DNAH8: variants seen among roughly 807,000 people sequenced by gnomAD.
The protein encoded by DNAH8 is axonemal beta dynein heavy chain 8.
A neutral mutation model predicts 562.1 loss-of-function variants in DNAH8; 382 were observed. The observed-to-expected ratio is 0.68, with a 90% confidence interval of 0.63 to 0.74. The LOEUF (loss-of-function observed/expected upper bound fraction) is 0.74. Among genes scored for constraint, DNAH8 ranks in the 30% least tolerant of loss-of-function variants. The pLI, the probability that DNAH8 is intolerant of heterozygous loss-of-function variation, is 0.00. For missense variants in DNAH8, 5,203 were observed against 5,620.4 expected (o/e 0.93, Z 2.37); for synonymous variants, 1,881 against 1,919.4 (o/e 0.98, Z 0.52).
chr6:39,015,063 G>A lies in DNAH8; in HGVS notation c.13714+2426G>A, dbSNP rs541719289. Among the ~76,000 whole-genome samples, 7 of 152,238 alleles carry A rather than the reference G, an allele frequency of 4.6e-5. No homozygotes were observed. In the South Asian group the frequency reaches 1.2e-3, roughly 27 times the overall value. On this transcript the variant is annotated intron_variant, in intron 91 of 92. Coordinates refer to ENST00000327475, the MANE Select transcript of DNAH8 (RefSeq NM_001206927.2). ...GTACAAGACAGGGAACATTGGGAGA[G>A]GGACAGGTAGGGCAGAGAGACAGGG... is the stretch of plus-strand genomic sequence containing the variant.
intron 82 of DNAH8, among the ~76,000 whole-genome samples, chr6:38,968,789 C>A (rs963408637): frequency 1.3e-5 from 2 of 152,044 alleles, no homozygotes; most frequent in Non-Finnish European, 1.5e-5. Flanking sequence ...TAAGTATATA[C>A]CCCCAAAAAA....
intron 60 of DNAH8, among the ~76,000 whole-genome samples, chr6:38,897,128 A>G (rs1435066925): frequency 6.6e-6 from 1 of 151,962 alleles, no homozygotes; most frequent in Non-Finnish European, 1.5e-5. Flanking sequence ...GGCCTCCCAA[A>G]TTCTGGAGTG....
At chr6:38,827,254 A>G (rs1431037305) in intron 29 of DNAH8, among the ~76,000 whole-genome samples, 1 of 152,298 alleles carries the variant, frequency 6.6e-6, no homozygotes, top group East Asian at 1.9e-4. Context: ...CCCCATGGCA[A>G]GCTCCTTAAC....
chr6:39,026,589 A>G lies in DNAH8; in HGVS notation c.13758A>G (p.Lys4586=), dbSNP rs752727909. ...AMRQEVTRAH[K]GWALDTVTIH... is the part of the protein sequence containing the mutation. ...GGCAAGAAGTGACCCGTGCCCACAA[A>G]GGCTGGGCACTGGACACTGTGACCA... Residue 4586 remains lysine, a synonymous_variant, in exon 92 of 93, where the codon AAA becomes AAG. Coordinates refer to ENST00000327475, the MANE Select transcript of DNAH8 (RefSeq NM_001206927.2). The G allele has an allele frequency of 6.2e-6, 10 of 1,612,822 alleles. No homozygotes were observed. In the Admixed American group the frequency reaches 1.7e-4, roughly 27 times the overall value.
intron 53 of DNAH8, among the ~76,000 whole-genome samples, chr6:38,880,050 C>A (rs940012804): frequency 2.6e-5 from 4 of 152,072 alleles, no homozygotes; most frequent in Admixed American, 2.0e-4. Flanking sequence ...CAAGACCAGC[C>A]TGGCCAACAT....
intron 24 of DNAH8, among the ~76,000 whole-genome samples, chr6:38,809,194 A>G (rs1052316506): frequency 9.9e-5 from 15 of 151,922 alleles, no homozygotes; most frequent in African/African-American, 3.6e-4. Flanking sequence ...TGATGATAAT[A>G]TAACAAATGT....
At chr6:38,852,948 C>T in intron 40 of DNAH8, 150 bp downstream of exon 40, 1 of 709,758 alleles carries the variant, frequency 1.4e-6, no homozygotes, top group Non-Finnish European at 2.3e-6. Context: ...TAGATAAATC[C>T]TTTAACTTCT....
intron 60 of DNAH8, among the ~76,000 whole-genome samples, chr6:38,897,848 A>G (rs531277298): frequency 3.9e-4 from 59 of 152,336 alleles, no homozygotes; most frequent in African/African-American, 1.4e-3. Flanking sequence ...TTTGCAAAAC[A>G]AAGAAAGTGG....
Position 39,023,449 on chromosome 6 carries a change from C to T in DNAH8, c.13715-3097C>T, listed in dbSNP as rs1195058401. The stretch of plus-strand genomic sequence containing the variant: ...TGGAGCTTGCAGTGAGCGGAGATCA[C>T]GCCATTGCACTCCAGCCTGGGCGAC... On this transcript the variant is annotated intron_variant, in intron 91 of 92. Transcript: ENST00000327475. 3.9e-5 allele frequency among the ~76,000 whole-genome samples: 6 copies of T among 152,114 alleles called. No individual in the cohort carries two copies. In the South Asian group the frequency reaches 8.3e-4, roughly 21 times the overall value.
rs575472748 is a variant in DNAH8 at position 38,750,365 on chromosome 6, A to G, written c.1294-111A>G. On this transcript the variant is annotated intron_variant, in intron 8 of 92. Coordinates refer to ENST00000327475, the MANE Select transcript of DNAH8 (RefSeq NM_001206927.2). ...AAACATATATTAATCACACTTAAAT[A>G]TCTACCATTTTAGTATATGTATGAT... 7.0e-6 allele frequency: 4 copies of G among 568,186 alleles called. No individual in the cohort carries two copies. In the Admixed American group the frequency reaches 1.4e-4, roughly 20 times the overall value. The allele number at this position is 568,186 out of a possible 1,614,324, so 35.2% of individuals were successfully genotyped here. A position where few individuals can be genotyped will look rare whatever the true frequency, so the allele number is the denominator to read the frequency against.
At chr6:39,000,227 A>G (rs1158311478) in intron 88 of DNAH8, among the ~76,000 whole-genome samples, 3 of 152,358 alleles carry the variant, frequency 2.0e-5, no homozygotes, top group East Asian at 1.9e-4. Context: ...ATGAATGGCA[A>G]ATGCTGATGA....
intron 53 of DNAH8, among the ~76,000 whole-genome samples, chr6:38,878,238 T>C (rs913280233): frequency 1.2e-4 from 18 of 152,236 alleles, no homozygotes; most frequent in African/African-American, 4.1e-4. Flanking sequence ...TTCAAAATTA[T>C]AGAATGCTTC....
At chr6:38,867,323 A>G (rs926467739) in intron 47 of DNAH8, among the ~76,000 whole-genome samples, 3 of 151,986 alleles carry the variant, frequency 2.0e-5, no homozygotes, top group Admixed American at 6.6e-5. Context: ...ATGCTACTTT[A>G]TAGCCACACC....
rs192755438 is a variant in DNAH8, at chr6:38,934,245, C to T, written c.11458-1347C>T. Among the ~76,000 whole-genome samples, 461 of 151,966 alleles carry T rather than the reference C, an allele frequency of 3.0e-3. 2 individuals carry two copies. The highest frequency in any genetic ancestry group is 0.011 in the African/African-American group (439 of 41,438). On this transcript the variant is annotated intron_variant, in intron 76 of 92. Coordinates refer to ENST00000327475, the MANE Select transcript of DNAH8 (RefSeq NM_001206927.2). ...GTGCACGCCTGTAGTCCCAGCTACT[C>T]GGGAGTCTGAGGCAGGAGAATTGCT...
At chr6:38,845,857 T>C in intron 36 of DNAH8, 84 bp downstream of exon 36, 2 of 1,142,260 alleles carry the variant, frequency 1.8e-6, no homozygotes, top group Non-Finnish European at 2.6e-6. Context: ...TTAAAGCTCT[T>C]TCATTGGATG....
rs750912634 is a variant in DNAH8 at position 38,826,346 on chromosome 6, A to T, written c.4038A>T (p.Ile1346=). 1 of 1,612,824 alleles carries T rather than the reference A, an allele frequency of 6.2e-7. No individual in the cohort carries two copies. The highest frequency in any genetic ancestry group is 1.1e-5 in the South Asian group (1 of 90,636). Residue 1346 remains isoleucine (I), a synonymous_variant, in exon 29 of 93, where the codon ATA becomes ATT. Transcript: ENST00000327475. ...VRFAMEALSC[I]RDNEIQMDMT... ...TTGCAATGGAAGCCTTGTCTTGCATACGTGATAATGAAATTCAAATGGACA... is the reference window on the plus strand; with the variant it reads ...TTGCAATGGAAGCCTTGTCTTGCATTCGTGATAATGAAATTCAAATGGACA...
At chr6:38,987,613 C>T (rs755113444) in intron 87 of DNAH8, among the ~76,000 whole-genome samples, 4 of 152,130 alleles carry the variant, frequency 2.6e-5, no homozygotes, top group Non-Finnish European at 1.5e-5. Flanking sequence ...ACTATTTTCC[C>T]ATTCATTTGC....
intron 12 of DNAH8, among the ~76,000 whole-genome samples, chr6:38,773,923 G>A (rs1357502685): frequency 6.6e-6 from 1 of 152,168 alleles, no homozygotes; most frequent in Non-Finnish European, 1.5e-5. Flanking sequence ...AAGTCGAAGG[G>A]CAGACAAGAC....
chr6:38,716,192 A>G (rs1030237299), intron 1 of DNAH8, among the ~76,000 whole-genome samples: 2 of 149,718 alleles, frequency 1.3e-5, no homozygotes, highest in Non-Finnish European at 3.0e-5. Flanking sequence ...CGATCTCCTG[A>G]CCTTGTGATC....
Sources: gnomAD v4.1 joint callset for allele counts (sites outside exome capture counted in the v4.1 genomes callset) on GRCh38, gnomAD v4.1.1 for gene constraint, MANE v1.5 for transcripts, NCBI Gene and HGNC (gene_info 2026-07-23, HGNC 2026-07-21) for gene names.